SPPL2B: variants seen among roughly 807,000 people sequenced by gnomAD.
SPPL2B encodes signal peptide peptidase-like 2B.
A neutral mutation model predicts 59.7 loss-of-function variants in SPPL2B; 39 were observed. The ratio of observed to expected loss-of-function variants is 0.65; its 90% confidence interval spans 0.51 to 0.85. The LOEUF is 0.85. Among genes scored for constraint, SPPL2B ranks in the 40% least tolerant of loss-of-function variants. The probability of loss-of-function intolerance (pLI) is 0.00; values close to 1 mark genes in which losing one functional copy is unlikely to be tolerated. For missense variants in SPPL2B, 865 were observed against 849.0 expected, an observed-to-expected ratio of 1.02 and a Z score of -0.23; for synonymous variants, 419 against 370.8, an observed-to-expected ratio of 1.13 and a Z score of -1.49.
In SPPL2B at chr19:2,353,105, A is replaced by AT. The variant is rs1333241485; in HGVS notation, c.1676dup (p.Met559IlefsTer15). ...CCCAAAATCACGCACGTCCGAGGAG[A>AT]TGGGGGCTGGAGCCCCCATGCGGGA... On this transcript the variant is annotated frameshift_variant, in exon 15 of 15. Transcript: ENST00000613503. LOFTEE classifies it low-confidence loss of function (END_TRUNC). 1 of 1,610,592 alleles carries AT rather than the reference A, an allele frequency of 6.2e-7. No individual in the cohort carries two copies. The highest frequency in any genetic ancestry group is 1.3e-5 in the African/African-American group (1 of 74,704).
At position 2,335,521 on chromosome 19, in the gene SPPL2B, C is replaced by T. The variant is rs1263248240; in HGVS notation, c.186+800C>T. ...CACTGCATCCCTCAGGCCCCGCCTC[C>T]TTTCTCACTTCATCCCTCAGGCCCT... On this transcript the variant is annotated intron_variant, in intron 2 of 14. Coordinates refer to ENST00000613503, the MANE Select transcript of SPPL2B (RefSeq NM_152988.3). 4.0e-5 allele frequency among the ~76,000 whole-genome samples: 6 copies of T among 151,280 alleles called. No individual in the cohort carries two copies. The South Asian group carries it at 8.4e-4, about 21-fold the overall frequency.
rs138315624 is a variant in SPPL2B, at chr19:2,332,336, G to A, written c.67-2266G>A. ...TGAGGGCCCGGCTGTTGGAGAGCCC[G>A]TCTGTGCCTGTGTGCTGGGGTTGGT... On this transcript the variant is annotated intron_variant, in intron 1 of 14. Transcript: ENST00000613503. The surrounding 1 kb of genome is among the most constrained non-coding windows in gnomAD (Gnocchi z 4.6). 2.2e-4 allele frequency among the ~76,000 whole-genome samples: 33 copies of A among 152,340 alleles called. No individual in the cohort carries two copies. The highest frequency in any genetic ancestry group is 4.3e-4 in the African/African-American group (18 of 41,574).
chr19:2,346,137 G>A (rs1048747523), intron 13 of SPPL2B, among the ~76,000 whole-genome samples: 2 of 152,210 alleles, frequency 1.3e-5, no homozygotes, highest in Non-Finnish European at 2.9e-5. Context: ...CCCCACCGCA[G>A]CTGGCCCTAA....
In SPPL2B at chr19:2,344,580, C is replaced by A; in HGVS notation, c.1204C>A (p.Leu402Met). 1 of 1,613,136 alleles carries A rather than the reference C, an allele frequency of 6.2e-7. No individual in the cohort carries two copies. The highest frequency in any genetic ancestry group is 8.5e-7 in the Non-Finnish European group (1 of 1,179,610). The change falls in exon 12 of 15, where the codon CTG (leucine) becomes ATG (methionine). Residue 402 changes from leucine to methionine, a missense_variant. Coordinates refer to ENST00000613503, the MANE Select transcript of SPPL2B (RefSeq NM_152988.3). Reference protein sequence around the residue: ...KLPMVLKVPRLNSSPLALCDR... With the variant: ...KLPMVLKVPRMNSSPLALCDR... Reference sequence around the variant, plus strand: ...GCCCATGGTCCTGAAGGTGCCCAGGCTGAACTCCTCACCTCTGGCCCTGTG... The same window carrying A: ...GCCCATGGTCCTGAAGGTGCCCAGGATGAACTCCTCACCTCTGGCCCTGTG...
rs1969923625 is a variant in SPPL2B at position 2,351,534 on chromosome 19, C to G, written c.1455C>G (p.Ser485Arg). ...TGGTGCCCTGCACGCTGGTGACGAGCTGCGCTGTGGCGCTCTGGCGCCGGG... is the reference window on the plus strand; with the variant it reads ...TGGTGCCCTGCACGCTGGTGACGAGGTGCGCTGTGGCGCTCTGGCGCCGGG... ...LYLVPCTLVTSCAVALWRREL... is the reference protein window; with the variant it reads ...LYLVPCTLVTRCAVALWRREL... Residue 485 changes from serine to arginine, a missense_variant, in exon 14 of 15, where the codon AGC (serine) becomes AGG (arginine). Physicochemically the swap from Ser to Arg is moderately radical, Grantham distance 110. Coordinates refer to ENST00000613503, the MANE Select transcript of SPPL2B (RefSeq NM_152988.3). 6.2e-7 allele frequency: 1 copy of G among 1,611,360 alleles called. No individual in the cohort carries two copies. Among genetic ancestry groups the G allele is most frequent in the Admixed American group, 1.7e-5 (1 of 59,984 alleles).
chr19:2,343,769 C>T (rs1189153145), intron 9 of SPPL2B, among the ~76,000 whole-genome samples, 196 bp from the exon 10 acceptor site: 2 of 152,174 alleles, frequency 1.3e-5, no homozygotes, highest in African/African-American at 4.8e-5. Flanking sequence ...ACTCTAAAAG[C>T]CTGACTTTTG....
At chr19:2,350,011 C>G (rs549166640) in intron 13 of SPPL2B, among the ~76,000 whole-genome samples, 3 of 149,206 alleles carry the variant, frequency 2.0e-5, no homozygotes, top group Admixed American at 2.0e-4. Context: ...TCCGTTCTCT[C>G]CCTCGACACA....
chr19:2,340,961 G>A lies in SPPL2B; in HGVS notation c.903G>A (p.Ala301=), dbSNP rs750574808. Residue 301 remains alanine, a synonymous_variant, in exon 8 of 15, where the codon GCG becomes GCA. Coordinates refer to ENST00000613503, the MANE Select transcript of SPPL2B (RefSeq NM_152988.3). ...CGCAGGCCCGTATGCTGCTCCTGGC[G>A]CTCTTCTGCGTGGCCGTCAGCGTGG... ...KRPQARMLLL[A]LFCVAVSVVW... is the part of the protein sequence containing the mutation. 7 of 1,604,458 alleles carry A rather than the reference G, an allele frequency of 4.4e-6. No homozygotes were observed. The highest frequency in any genetic ancestry group is 2.2e-5 in the East Asian group (1 of 44,858).
At chr19:2,345,196 G>A in intron 12 of SPPL2B, 57 bp from the exon 13 acceptor site, 1 of 1,501,290 alleles carries the variant, frequency 6.7e-7, no homozygotes, top group South Asian at 1.1e-5. Context: ...CTCCCAGGAA[G>A]CCCCTGCTCT....
intron 8 of SPPL2B, chr19:2,342,254 A>T (rs930078798): frequency 6.5e-6 from 1 of 152,744 alleles, no homozygotes; most frequent in Admixed American, 6.5e-5. Context: ...GGCCTTGTGC[A>T]GGAGGCAGTT....
intron 1 of SPPL2B, among the ~76,000 whole-genome samples, chr19:2,333,557 C>A (rs77398208): frequency 2.0e-5 from 3 of 152,220 alleles, no homozygotes; most frequent in Non-Finnish European, 4.4e-5. Context: ...GGTCCAGGCC[C>A]GTCTACTCCG....
chr19:2,338,554 G>T, intron 3 of SPPL2B, 198 bp from the exon 4 acceptor site: 5 of 537,556 alleles, frequency 9.3e-6, no homozygotes, highest in Admixed American at 3.3e-5. Flanking sequence ...AAGAAGGCTT[G>T]ATGCCCTTCG....
intron 13 of SPPL2B, among the ~76,000 whole-genome samples, chr19:2,345,762 CCT>C (rs1446546336): frequency 1.4e-5 from 2 of 143,664 alleles, no homozygotes; most frequent in Non-Finnish European, 3.0e-5. Flanking sequence ...CCTCCGTCCC[CCT>C]CTTTCTCATT....
chr19:2,344,085 C>A (rs777094884), intron 10 of SPPL2B, 46 bp downstream of exon 10: 1 of 1,347,996 alleles, frequency 7.4e-7, no homozygotes, highest in South Asian at 1.3e-5. Flanking sequence ...CCCGCTCCCC[C>A]GCCCCCTCGC....
In SPPL2B at chr19:2,344,051, C is replaced by T. The variant is rs371088777; in HGVS notation, c.1113+12C>T. ...CCTTCCTGACCAAGGTAGGCGACTGCCTGTCCCTGCTCCACCCCATCACCC... is the reference window on the plus strand; with the variant it reads ...CCTTCCTGACCAAGGTAGGCGACTGTCTGTCCCTGCTCCACCCCATCACCC... On this transcript the variant is annotated intron_variant, in intron 10 of 14. Transcript: ENST00000613503. The T allele has an allele frequency of 3.1e-5, 48 of 1,541,340 alleles. No individual in the cohort carries two copies. In the African/African-American group the frequency reaches 5.1e-4, roughly 16 times the overall value.
intron 2 of SPPL2B, among the ~76,000 whole-genome samples, chr19:2,336,532 GGC>G (rs1034318699): frequency 1.3e-5 from 2 of 151,900 alleles, no homozygotes; most frequent in African/African-American, 4.8e-5. Context: ...GAGTTCATGT[GGC>G]GTGTGTGTAT....
At chr19:2,335,467 T>C (rs879910298) in intron 2 of SPPL2B, among the ~76,000 whole-genome samples, 800 of 26,590 alleles carry the variant, frequency 0.03, no homozygotes, top group Middle Eastern at 0.031. Flanking sequence ...TCCTTTCTCA[T>C]TGCATCCTTC....
intron 13 of SPPL2B, among the ~76,000 whole-genome samples, chr19:2,347,192 G>T (rs962772045): frequency 1.4e-5 from 2 of 140,966 alleles, no homozygotes; most frequent in Non-Finnish European, 3.0e-5. Flanking sequence ...GCTCTCATTC[G>T]CCTGATTCCG....
chr19:2,336,292 G>GTT (rs997640157), intron 2 of SPPL2B, among the ~76,000 whole-genome samples: 11 of 151,576 alleles, frequency 7.3e-5, no homozygotes, highest in African/African-American at 2.7e-4. Flanking sequence ...GTGTCTGTAT[G>GTT]TGTGCAGGTG....
Sources: allele counts gnomAD v4.1 joint callset (sites outside exome capture counted in the v4.1 genomes callset), GRCh38; gene constraint gnomAD v4.1.1; non-coding constraint Gnocchi (gnomAD v3.1); transcripts MANE v1.5; gene names NCBI Gene and HGNC (gene_info 2026-07-23, HGNC 2026-07-21).